Variants in EVA1C observed in about 807,000 individuals in gnomAD.
EVA1C encodes the protein eva-1 homolog C, also known as protein eva-1 homolog C.
EVA1C carries 25 observed loss-of-function variants against 45.4 expected under a neutral mutation model. That is an observed-to-expected ratio of 0.55 (90% confidence interval 0.40 to 0.77). EVA1C has a LOEUF of 0.77. EVA1C is among the 30% of genes least tolerant of loss of function. EVA1C has a pLI of 0.00. For synonymous variants in EVA1C, 190 were observed against 221.2 expected (o/e 0.86, Z 1.25); for missense variants, 479 against 554.8 (o/e 0.86, Z 1.37).
intron 1 of EVA1C, among the ~76,000 whole-genome samples, chr21:32,415,468 C>T: frequency 6.6e-6 from 1 of 152,310 alleles, no homozygotes; most frequent in Middle Eastern, 3.4e-3. Context: ...TTTCTCCCCC[C>T]AGGAGATTAG....
chr21:32,478,095 T>C (rs7278055), intron 4 of EVA1C, among the ~76,000 whole-genome samples: 148,725 of 148,726 alleles, frequency 1, 74,362 homozygotes, highest in Middle Eastern at 1. Context: ...TGGGGACCCT[T>C]TTGAAGGCTG....
intron 5 of EVA1C, 47 bp downstream of exon 5, chr21:32,495,217 G>T: frequency 1.9e-6 from 3 of 1,598,234 alleles, no homozygotes; most frequent in Admixed American, 3.4e-5. Flanking sequence ...TGCCTCTTTT[G>T]GGGGAGGGTG....
intron 3 of EVA1C, among the ~76,000 whole-genome samples, chr21:32,460,848 C>T (rs539697252): frequency 3.3e-5 from 5 of 151,956 alleles, no homozygotes; most frequent in Admixed American, 2.0e-4. Flanking sequence ...CGGTTTCAAG[C>T]GATTCTCCTG....
At chr21:32,413,858 C>A (rs887737341) in intron 1 of EVA1C, among the ~76,000 whole-genome samples, 14 of 152,208 alleles carry the variant, frequency 9.2e-5, no homozygotes, top group African/African-American at 3.4e-4. Flanking sequence ...AGGCCTTCAG[C>A]CTTCCCCAGC....
At chr21:32,475,421 G>T (rs1178680910) in intron 4 of EVA1C, among the ~76,000 whole-genome samples, 1 of 150,672 alleles carries the variant, frequency 6.6e-6, no homozygotes, top group African/African-American at 2.4e-5. Flanking sequence ...AATGAGAAAA[G>T]GATTCAGCCA....
chr21:32,481,817 A>T (rs531681867), intron 4 of EVA1C, among the ~76,000 whole-genome samples: 1 of 152,160 alleles, frequency 6.6e-6, no homozygotes, highest in Non-Finnish European at 1.5e-5. Context: ...CAAAAATACC[A>T]TCTTGGTGAT....
At chr21:32,495,317 C>CT (rs1389472219) in intron 5 of EVA1C, 147 bp downstream of exon 5, 4 of 701,114 alleles carry the variant, frequency 5.7e-6, no homozygotes, top group Admixed American at 6.8e-5. Context: ...CCCGAGAGCC[C>CT]TTTTTTTCTT....
At chr21:32,455,924 C>T (rs1044316460) in intron 2 of EVA1C, among the ~76,000 whole-genome samples, 1 of 152,126 alleles carries the variant, frequency 6.6e-6, no homozygotes, top group Non-Finnish European at 1.5e-5. Flanking sequence ...CGGAGTTTCA[C>T]TCTTGTTGCC....
chr21:32,475,879 T>TTATCTACCTATCTATC (rs1555867881), intron 4 of EVA1C, among the ~76,000 whole-genome samples: 1 of 100,484 alleles, frequency 1.0e-5, no homozygotes, highest in African/African-American at 4.2e-5. Context: ...TCTAAAAACT[T>TTATCTACCTATCTATC]TATCTATCTA....
intron 4 of EVA1C, among the ~76,000 whole-genome samples, chr21:32,489,879 G>A (rs972876015): frequency 2.6e-5 from 4 of 152,134 alleles, no homozygotes; most frequent in Admixed American, 6.5e-5. Context: ...TCGGCTCACC[G>A]CAACCTCTGC....
rs1014315781 is a variant in EVA1C, at chr21:32,419,920, T to C, written c.160+6907T>C. Among the ~76,000 whole-genome samples, 4 of 152,182 alleles carry C rather than the reference T, an allele frequency of 2.6e-5. No homozygotes were observed. The East Asian group carries it at 7.7e-4, about 29-fold the overall frequency. On this transcript the variant is annotated intron_variant, in intron 1 of 7. Transcript: ENST00000300255. ...TGGTTTCTCATAATAACATAAATCC[T>C]AAATCCTACAGTCATGAAGATTTTA...
intron 4 of EVA1C, among the ~76,000 whole-genome samples, chr21:32,485,716 T>C (rs752716303): frequency 5.6e-4 from 86 of 152,328 alleles, no homozygotes; most frequent in Middle Eastern, 3.4e-3. Context: ...GTGGAGACAT[T>C]ATGTTTAAGG....
intron 1 of EVA1C, among the ~76,000 whole-genome samples, chr21:32,416,329 T>C (rs980985076): frequency 5.1e-4 from 75 of 148,320 alleles, no homozygotes; most frequent in African/African-American, 1.8e-3. Flanking sequence ...TTCTTTTTTT[T>C]TTTTTTTTTT....
chr21:32,414,285 C>T (rs112297156), intron 1 of EVA1C, among the ~76,000 whole-genome samples: 1 of 152,308 alleles, frequency 6.6e-6, no homozygotes, highest in African/African-American at 2.4e-5. Flanking sequence ...ATGCATCAGA[C>T]TTTTCAAGGG....
chr21:32,420,940 T>C lies in EVA1C; in HGVS notation c.160+7927T>C, dbSNP rs1601201879. 3.3e-5 allele frequency among the ~76,000 whole-genome samples: 5 copies of C among 152,236 alleles called. No individual in the cohort carries two copies. In the South Asian group the frequency reaches 1.0e-3, roughly 31 times the overall value. Reference sequence around the variant, plus strand: ...TTAAAGCAGTGGCACTTCTGTCATGTTTATCTCTTCATTTCCTAGAGCCAA... The same window carrying C: ...TTAAAGCAGTGGCACTTCTGTCATGCTTATCTCTTCATTTCCTAGAGCCAA... On this transcript the variant is annotated intron_variant, in intron 1 of 7. Coordinates refer to ENST00000300255, the MANE Select transcript of EVA1C (RefSeq NM_058187.5).
At chr21:32,503,886 A>C in intron 6 of EVA1C, 40 bp from the exon 7 acceptor site, 138 of 1,335,512 alleles carry the variant, frequency 1.0e-4, no homozygotes, top group Middle Eastern at 2.6e-4. Context: ...CGTACTATGA[A>C]CAGCTGTGAT....
chr21:32,450,529 G>A (rs538485644), intron 1 of EVA1C, among the ~76,000 whole-genome samples: 1 of 152,036 alleles, frequency 6.6e-6, no homozygotes, highest in South Asian at 2.1e-4. Flanking sequence ...ATGCTGGGGT[G>A]ATGGACAAGA....
At chr21:32,454,383 A>G (rs562083084) in intron 2 of EVA1C, among the ~76,000 whole-genome samples, 18 of 152,308 alleles carry the variant, frequency 1.2e-4, no homozygotes, top group Non-Finnish European at 2.4e-4. Flanking sequence ...CTTCTACTAC[A>G]TAGTACCAGG....
intron 1 of EVA1C, among the ~76,000 whole-genome samples, chr21:32,427,874 A>G (rs961625058): frequency 1.6e-4 from 24 of 149,202 alleles, no homozygotes; most frequent in Middle Eastern, 3.5e-3. Flanking sequence ...AAAAAAAAAA[A>G]AAAGAAAGGC....
Sources: gnomAD v4.1 joint callset for allele counts (sites outside exome capture counted in the v4.1 genomes callset) on GRCh38, gnomAD v4.1.1 for gene constraint, MANE v1.5 for transcripts, NCBI Gene and HGNC (gene_info 2026-07-23, HGNC 2026-07-21) for gene names.